The following REEP3 variants were observed in gnomAD, a reference collection of about 807,000 sequenced individuals.
REEP3 encodes the protein receptor expression-enhancing protein 3.
In REEP3, 20 loss-of-function variants were observed where a neutral mutation model predicts 41.3. That is an observed-to-expected ratio of 0.48 (90% CI 0.34 to 0.70). The LOEUF (loss-of-function observed/expected upper bound fraction) is 0.70. Among genes scored for constraint, REEP3 ranks in the 30% least tolerant of loss-of-function variants. REEP3 has a pLI of 0.01. For synonymous variants in REEP3, 104 were observed against 101.8 expected (o/e 1.02, Z -0.13); for missense variants, 271 against 308.8 (o/e 0.88, Z 0.92).
intron 5 of REEP3, chr10:63,599,659 T>C: frequency 1.0e-6 from 1 of 983,360 alleles, no homozygotes; most frequent in South Asian, 4.7e-5. Context: ...TCAATGGCAA[T>C]ATCTTGGTAG....
intron 1 of REEP3, among the ~76,000 whole-genome samples, chr10:63,544,922 T>C (rs895878499): frequency 6.6e-6 from 1 of 152,224 alleles, no homozygotes; most frequent in Non-Finnish European, 1.5e-5. Flanking sequence ...AAGCAAAGAC[T>C]ATTTGATTTA....
chr10:63,610,359 G>C (rs756511947), intron 6 of REEP3, 25 bp downstream of exon 6: 1 of 1,549,264 alleles, frequency 6.5e-7, no homozygotes, highest in Non-Finnish European at 8.7e-7. Context: ...TTTAATATAC[G>C]GTTCTTTTAC....
intron 2 of REEP3, among the ~76,000 whole-genome samples, chr10:63,567,172 C>T (rs1955806948): frequency 6.6e-6 from 1 of 152,110 alleles, no homozygotes; most frequent in South Asian, 2.1e-4. Context: ...ACTGAGATAA[C>T]AGCACATCAA....
chr10:63,591,054 T>C (rs1375235592), intron 2 of REEP3, among the ~76,000 whole-genome samples: 1 of 152,088 alleles, frequency 6.6e-6, no homozygotes, highest in Non-Finnish European at 1.5e-5. Context: ...CATTCTGTTA[T>C]CAATGTTTTT....
chr10:63,609,345 G>A (rs1469429356), intron 5 of REEP3, among the ~76,000 whole-genome samples: 2 of 151,950 alleles, frequency 1.3e-5, no homozygotes, highest in Non-Finnish European at 2.9e-5. Flanking sequence ...CCAGCTACTG[G>A]AGGGGCTGAG....
chr10:63,584,429 T>TA (rs1265296575), intron 2 of REEP3, among the ~76,000 whole-genome samples: 516 of 22,816 alleles, frequency 0.023, 13 homozygotes, highest in Admixed American at 0.19. Context: ...CCCCATCTTT[T>TA]TAAAAAAAAA....
intron 1 of REEP3, 143 bp from the exon 2 acceptor site, chr10:63,566,191 CTTTT>C (rs1955797164): frequency 1.6e-6 from 1 of 621,000 alleles, no homozygotes; most frequent in African/African-American, 1.9e-5. Context: ...GCTAAATTAT[CTTTT>C]TATTAAAAAT....
chr10:63,571,527 GCCT>G (rs750604594), intron 2 of REEP3, among the ~76,000 whole-genome samples: 2 of 152,088 alleles, frequency 1.3e-5, no homozygotes, highest in Non-Finnish European at 2.9e-5. Flanking sequence ...TCTCTCTTCT[GCCT>G]CCTCTTCCAC....
chr10:63,545,271 T>G (rs761549922), intron 1 of REEP3, among the ~76,000 whole-genome samples: 2 of 152,230 alleles, frequency 1.3e-5, no homozygotes, highest in Non-Finnish European at 2.9e-5. Context: ...TGTTTACCAT[T>G]TATTTGTGCT....
chr10:63,531,104 C>T (rs976840718), intron 1 of REEP3, among the ~76,000 whole-genome samples: 3 of 152,038 alleles, frequency 2.0e-5, no homozygotes, highest in African/African-American at 4.8e-5. Context: ...GAAAATCAGG[C>T]GAGATGGCAT....
At chr10:63,574,072 T>C (rs2133382460) in intron 2 of REEP3, among the ~76,000 whole-genome samples, 1 of 152,340 alleles carries the variant, frequency 6.6e-6, no homozygotes. Flanking sequence ...CCCATCCCTA[T>C]GTCTAACTCT....
intron 4 of REEP3, among the ~76,000 whole-genome samples, chr10:63,598,398 C>T (rs1245173845): frequency 2.1e-5 from 3 of 145,268 alleles, no homozygotes; most frequent in Non-Finnish European, 4.5e-5. Flanking sequence ...GCAGGAGAAT[C>T]GCTTGAACCC....
At chr10:63,545,684 T>TTG (rs1391966766) in intron 1 of REEP3, among the ~76,000 whole-genome samples, 2 of 135,894 alleles carry the variant, frequency 1.5e-5, no homozygotes, top group African/African-American at 2.8e-5. Flanking sequence ...ACTTCTGTTT[T>TTG]TTTTTTTTTT....
In REEP3 at chr10:63,623,947, A is replaced by G. The variant is rs894669965; in HGVS notation, c.*3078A>G. ...CTACAGTGTTATAAAGTATATAAATATTCCAAATTTCTGTGGTTAAATATT... is the reference window on the plus strand; with the variant it reads ...CTACAGTGTTATAAAGTATATAAATGTTCCAAATTTCTGTGGTTAAATATT... On this transcript the variant is annotated 3_prime_UTR_variant, in exon 8 of 8. Coordinates refer to ENST00000373758, the MANE Select transcript of REEP3 (RefSeq NM_001001330.3). The G allele has an allele frequency of 6.5e-6, 1 of 153,256 alleles. No homozygotes were observed. The highest frequency in any genetic ancestry group is 1.5e-5 in the Non-Finnish European group (1 of 68,194). 9.5% of individuals were successfully genotyped at this position (153,256 alleles called of 1,614,324 possible). A position where few individuals can be genotyped will look rare whatever the true frequency, so the allele number is the denominator to read the frequency against.
intron 4 of REEP3, 107 bp from the exon 5 acceptor site, chr10:63,599,063 G>C (rs1023848752): frequency 4.8e-6 from 3 of 620,258 alleles, no homozygotes; most frequent in Admixed American, 3.8e-5. Flanking sequence ...ATCAACACAT[G>C]CTTAATGCTA....
At chr10:63,533,733 A>G (rs1443979874) in intron 1 of REEP3, among the ~76,000 whole-genome samples, 1 of 50,738 alleles carries the variant, frequency 2.0e-5, no homozygotes, top group African/African-American at 5.2e-5. Flanking sequence ...TTTGAGACGG[A>G]GTCTCGCTCT....
intron 2 of REEP3, among the ~76,000 whole-genome samples, chr10:63,571,588 A>C (rs563029053): frequency 2.0e-5 from 3 of 152,316 alleles, no homozygotes; most frequent in South Asian, 4.1e-4. Context: ...TTAATCCAGG[A>C]TAAACTTCCC....
intron 5 of REEP3, among the ~76,000 whole-genome samples, chr10:63,599,866 G>A (rs1391857213): frequency 6.6e-6 from 1 of 152,312 alleles, no homozygotes; most frequent in East Asian, 1.9e-4. Flanking sequence ...TTCTTTGCAT[G>A]TTGTAATTTG....
intron 2 of REEP3, among the ~76,000 whole-genome samples, chr10:63,568,152 A>G (rs1453987045): frequency 3.3e-5 from 5 of 152,132 alleles, no homozygotes; most frequent in Admixed American, 2.0e-4. Flanking sequence ...ATTGTTTTAT[A>G]GTGCTGGCAT....
Sources: gnomAD v4.1 joint callset for allele counts (sites outside exome capture counted in the v4.1 genomes callset) on GRCh38, gnomAD v4.1.1 for gene constraint, MANE v1.5 for transcripts, NCBI Gene and HGNC (gene_info 2026-07-23, HGNC 2026-07-21) for gene names.